Variants in CFTR observed in about 807,000 individuals in gnomAD.
The protein encoded by CFTR is CF transmembrane conductance regulator.
Under a neutral mutation model 171.6 loss-of-function variants are expected in CFTR, and 181 were observed. The ratio of observed to expected loss-of-function variants is 1.05; its 90% confidence interval spans 0.93 to 1.19. The LOEUF is 1.19. Among genes scored for constraint, CFTR ranks in the 50% most tolerant of loss-of-function variants. The pLI, the probability that CFTR is intolerant of heterozygous loss-of-function variation, is 0.00. For missense variants in CFTR, 1,968 were observed against 1,734.7 expected (o/e 1.13, Z -2.39); for synonymous variants, 583 against 608.0 (o/e 0.96, Z 0.60).
Position 117,603,537 on chromosome 7 carries a change from C to G in CFTR, c.2663C>G (p.Pro888Arg). 1.2e-6 allele frequency: 2 copies of G among 1,613,894 alleles called. No individual in the cohort carries two copies. The highest frequency in any genetic ancestry group is 1.7e-6 in the Non-Finnish European group (2 of 1,179,878). ...LVVLWLLGNT[P>R]LQDKGNSTHS... ...ATTTCCTATTTGCTTTACAGCACTC[C>G]TCTTCAAGACAAAGGGAATAGTACT... is the stretch of plus-strand genomic sequence containing the variant. The change falls in exon 17 of 27, where the codon CCT (proline) becomes CGT (arginine). Residue 888 changes from proline (P) to arginine (R), a missense_variant. Pro to Arg is a moderately radical substitution (Grantham distance 103, BLOSUM62 -2). Transcript: ENST00000003084.
chr7:117,595,335 A>C (rs1792103450), intron 15 of CFTR, among the ~76,000 whole-genome samples: 2 of 150,614 alleles, frequency 1.3e-5, no homozygotes, highest in Non-Finnish European at 3.0e-5. Flanking sequence ...ATTTCATATT[A>C]CATATAAAAT....
intron 2 of CFTR, among the ~76,000 whole-genome samples, chr7:117,504,983 C>G (rs997526408): frequency 5.9e-5 from 9 of 152,040 alleles, no homozygotes. Flanking sequence ...TATTTGCTTT[C>G]AAAACCTTTA....
intron 11 of CFTR, among the ~76,000 whole-genome samples, chr7:117,576,324 T>C (rs979074559): frequency 6.6e-6 from 1 of 152,164 alleles, no homozygotes; most frequent in African/African-American, 2.4e-5. Flanking sequence ...ACATTTTGCT[T>C]GTCATTATTC....
chr7:117,491,094 T>C (rs549698905), intron 1 of CFTR, among the ~76,000 whole-genome samples: 124 of 152,226 alleles, frequency 8.1e-4, no homozygotes, highest in African/African-American at 2.9e-3. Flanking sequence ...CTAGGCAATA[T>C]GACATAGTCT....
intron 3 of CFTR, among the ~76,000 whole-genome samples, chr7:117,522,911 G>C (rs892190947): frequency 6.6e-6 from 1 of 152,160 alleles, no homozygotes; most frequent in African/African-American, 2.4e-5. Context: ...AAACAGATTA[G>C]GGAAAACTAT....
At chr7:117,535,630 G>T (rs1257850882) in intron 6 of CFTR, among the ~76,000 whole-genome samples, 1 of 150,008 alleles carries the variant, frequency 6.7e-6, no homozygotes, top group Admixed American at 6.6e-5. Flanking sequence ...TGCCTCCCAG[G>T]CTCAAGCAAT....
chr7:117,540,374 A>G (rs1352048057), intron 8 of CFTR, 28 bp downstream of exon 8: 4 of 1,591,760 alleles, frequency 2.5e-6, no homozygotes, highest in African/African-American at 2.7e-5. Context: ...TGCATTATAT[A>G]CTATGATTTA....
At position 117,535,300 on chromosome 7, in the gene CFTR, T is replaced by C; in HGVS notation, c.632T>C (p.Leu211Pro). ...VWIAPLQVAL[L>P]MGLIWELLQA... ...ATCGCTCCTTTGCAAGTGGCACTCC[T>C]CATGGGGCTAATCTGGGAGTTGTTA... Residue 211 changes from leucine (L) to proline (P), a missense_variant, in exon 6 of 27, where the codon CTC becomes CCC. Coordinates refer to ENST00000003084, the MANE Select transcript of CFTR (RefSeq NM_000492.4). 6.2e-7 allele frequency: 1 copy of C among 1,613,790 alleles called. No homozygotes were observed. Among genetic ancestry groups the C allele is most frequent in the Non-Finnish European group, 8.5e-7 (1 of 1,179,904 alleles).
At chr7:117,569,796 A>G (rs963878016) in intron 11 of CFTR, among the ~76,000 whole-genome samples, 4 of 152,148 alleles carry the variant, frequency 2.6e-5, no homozygotes, top group African/African-American at 7.2e-5. Context: ...TGTAATGGGA[A>G]GTTGAGCGAA....
chr7:117,612,013 ATATATATATGT>A, intron 20 of CFTR, among the ~76,000 whole-genome samples: 2 of 55,528 alleles, frequency 3.6e-5, no homozygotes, highest in Non-Finnish European at 6.5e-5. Flanking sequence ...TCGGATATAT[ATATATATATGT>A]ATATATATAT....
In CFTR at chr7:117,642,538, C is replaced by T; in HGVS notation, c.3818C>T (p.Ser1273Phe). The stretch of plus-strand genomic sequence containing the variant: ...GGAGAAATCCAGATCGATGGTGTGT[C>T]TTGGGATTCAATAACTTTGCAACAG... ...TEGEIQIDGV[S>F]WDSITLQQWR... is the part of the protein sequence containing the mutation. Residue 1273 changes from serine (S) to phenylalanine (F), a missense_variant, in exon 23 of 27, where the codon TCT becomes TTT. By Grantham distance (155) the Ser-to-Phe change is radical. Transcript: ENST00000003084. 1 of 1,613,522 alleles carries T rather than the reference C, an allele frequency of 6.2e-7. No homozygotes were observed. Among genetic ancestry groups the T allele is most frequent in the Non-Finnish European group, 8.5e-7 (1 of 1,179,720 alleles).
chr7:117,627,407 C>A (rs1792666975), intron 21 of CFTR, 115 bp from the exon 22 acceptor site: 1 of 1,083,854 alleles, frequency 9.2e-7, no homozygotes, highest in East Asian at 2.5e-5. Context: ...CGACAAATAA[C>A]CAAGTGACAA....
rs34507966 is a variant in CFTR, at chr7:117,501,993, T to C, written c.54-2260T>C. On this transcript the variant is annotated intron_variant, in intron 1 of 26. Coordinates refer to ENST00000003084, the MANE Select transcript of CFTR (RefSeq NM_000492.4). Reference sequence around the variant, plus strand: ...TGTGTTCAATGACTTTATATTTGGTTGCTTTAAAATGATGACGATGAGAGT... The same window carrying C: ...TGTGTTCAATGACTTTATATTTGGTCGCTTTAAAATGATGACGATGAGAGT... 3.7e-3 allele frequency among the ~76,000 whole-genome samples: 571 copies of C among 152,314 alleles called. 5 individuals are homozygous for C. The highest frequency in any genetic ancestry group is 9.9e-3 in the African/African-American group (413 of 41,572).
chr7:117,508,973 A>C, intron 2 of CFTR, 61 bp from the exon 3 acceptor site: 1 of 1,020,124 alleles, frequency 9.8e-7, no homozygotes, highest in Non-Finnish European at 1.6e-6. Context: ...GTTAAGGGAA[A>C]TAGGACAACT....
At chr7:117,505,831 T>C (rs541568009) in intron 2 of CFTR, among the ~76,000 whole-genome samples, 2 of 152,348 alleles carry the variant, frequency 1.3e-5, no homozygotes, top group African/African-American at 4.8e-5. Flanking sequence ...TTTTTTGGCA[T>C]TTTGAAGGCA....
At chr7:117,635,361 C>A (rs1466601065) in intron 22 of CFTR, among the ~76,000 whole-genome samples, 2 of 152,050 alleles carry the variant, frequency 1.3e-5, no homozygotes, top group Non-Finnish European at 2.9e-5. Context: ...TTGTAGACAG[C>A]AAATAGTTCA....
chr7:117,499,886 G>A (rs552115010), intron 1 of CFTR, among the ~76,000 whole-genome samples: 5 of 152,228 alleles, frequency 3.3e-5, no homozygotes, highest in Admixed American at 6.5e-5. Context: ...AAAGTCTGTC[G>A]TCAATATGTA....
intron 3 of CFTR, among the ~76,000 whole-genome samples, chr7:117,521,052 A>G (rs1798678000): frequency 6.6e-6 from 1 of 152,030 alleles, no homozygotes; most frequent in African/African-American, 2.4e-5. Flanking sequence ...GTTTTGTGAG[A>G]TGTATATTTT....
At chr7:117,636,635 C>T (rs894708114) in intron 22 of CFTR, among the ~76,000 whole-genome samples, 6 of 151,806 alleles carry the variant, frequency 4.0e-5, no homozygotes, top group Non-Finnish European at 8.8e-5. Flanking sequence ...ATATTCTCAA[C>T]CTCAGAGATT....
Sources: gnomAD v4.1 joint callset for allele counts (sites outside exome capture counted in the v4.1 genomes callset) on GRCh38, gnomAD v4.1.1 for gene constraint, MANE v1.5 for transcripts, NCBI Gene and HGNC (gene_info 2026-07-23, HGNC 2026-07-21) for gene names.